RPS6KA5: variants seen among roughly 807,000 people sequenced by gnomAD.
RPS6KA5 encodes the protein ribosomal protein S6 kinase alpha-5.
Under a neutral mutation model 85.5 loss-of-function variants are expected in RPS6KA5, and 27 were observed. That is an observed-to-expected ratio of 0.32 (90% CI 0.23 to 0.44). The LOEUF (loss-of-function observed/expected upper bound fraction) is 0.44, where lower values mean the gene tolerates loss of function less well. Ranked by LOEUF, RPS6KA5 falls within the 20% of genes least tolerant of loss-of-function variation. The probability of loss-of-function intolerance (pLI) is 1.00; values close to 1 mark genes in which losing one functional copy is unlikely to be tolerated. For synonymous variants in RPS6KA5, 334 were observed against 348.2 expected (o/e 0.96, Z 0.46); for missense variants, 811 against 980.9 (o/e 0.83, Z 2.31).
chr14:91,028,830 A>C (rs935502970), intron 1 of RPS6KA5, among the ~76,000 whole-genome samples: 2 of 152,212 alleles, frequency 1.3e-5, no homozygotes, highest in African/African-American at 4.8e-5. Flanking sequence ...TTTTTAATAA[A>C]GAGAATCACT....
At chr14:90,900,998 C>T (rs2035137173) in intron 9 of RPS6KA5, among the ~76,000 whole-genome samples, 1 of 152,130 alleles carries the variant, frequency 6.6e-6, no homozygotes, top group African/African-American at 2.4e-5. Flanking sequence ...TTCCCTATTC[C>T]ACCCCCAAAA....
At chr14:90,997,886 G>A (rs1034599494) in intron 2 of RPS6KA5, among the ~76,000 whole-genome samples, 26 of 151,598 alleles carry the variant, frequency 1.7e-4, no homozygotes, top group African/African-American at 5.6e-4. Flanking sequence ...GGTGGTGTGC[G>A]CCTGTAATCT....
At chr14:90,958,744 G>C (rs958108667) in intron 3 of RPS6KA5, among the ~76,000 whole-genome samples, 3 of 151,984 alleles carry the variant, frequency 2.0e-5, no homozygotes, top group Admixed American at 2.0e-4. Context: ...CCAACCTAGT[G>C]AAGCTTGCAT....
chr14:90,983,807 C>CTCTCTCTG (rs1566825939), intron 2 of RPS6KA5, among the ~76,000 whole-genome samples: 46 of 126,272 alleles, frequency 3.6e-4, no homozygotes, highest in Non-Finnish European at 6.7e-4. Context: ...CTCTCTCTCT[C>CTCTCTCTG]TCTCTCTCTG....
chr14:90,896,527 A>G (rs902439350), intron 12 of RPS6KA5, among the ~76,000 whole-genome samples: 6 of 152,118 alleles, frequency 3.9e-5, no homozygotes, highest in Non-Finnish European at 7.4e-5. Context: ...GGAGCTTGAG[A>G]TGTGAGATTA....
chr14:91,044,384 AGAAAGAAG>A (rs764735310), intron 1 of RPS6KA5, among the ~76,000 whole-genome samples: 1,247 of 28,660 alleles, frequency 0.044, 13 homozygotes, highest in African/African-American at 0.088. Flanking sequence ...AAGGAAAGAA[AGAAAGAAG>A]GAAAGAAAGA....
chr14:91,054,984 T>A (rs193278201), intron 1 of RPS6KA5, among the ~76,000 whole-genome samples: 125 of 152,206 alleles, frequency 8.2e-4, no homozygotes, highest in African/African-American at 2.9e-3. Flanking sequence ...AATTTTAAAC[T>A]GGGCAAAGGA....
rs545011249 is a variant in RPS6KA5, at chr14:91,054,548, A to T, written c.103+5784T>A. Among the ~76,000 whole-genome samples, 247 of 152,032 alleles carry T rather than the reference A, an allele frequency of 1.6e-3. 2 individuals carry two copies. Among genetic ancestry groups the T allele is most frequent in the African/African-American group, 5.8e-3 (241 of 41,462 alleles). ...GCTACTCAGGGGGCTGAAGCATGAGAATTGCTGGAACCCAGGAGGCAGAGG... is the reference window on the plus strand; with the variant it reads ...GCTACTCAGGGGGCTGAAGCATGAGTATTGCTGGAACCCAGGAGGCAGAGG... On this transcript the variant is annotated intron_variant, in intron 1 of 16. Coordinates refer to ENST00000614987, the MANE Select transcript of RPS6KA5 (RefSeq NM_004755.4).
chr14:90,993,412 C>T (rs1203767832), intron 2 of RPS6KA5, among the ~76,000 whole-genome samples: 2 of 152,132 alleles, frequency 1.3e-5, no homozygotes, highest in Non-Finnish European at 2.9e-5. Flanking sequence ...TGCACTCCAG[C>T]CTGGGTGACA....
chr14:90,913,661 T>C (rs1160501595), intron 7 of RPS6KA5, among the ~76,000 whole-genome samples: 2 of 152,226 alleles, frequency 1.3e-5, no homozygotes, highest in Non-Finnish European at 2.9e-5. Context: ...TCTTCCTTTG[T>C]ACACTTTTTT....
chr14:90,902,763 A>T (rs1285226729), intron 9 of RPS6KA5, 45 bp downstream of exon 9: 1 of 1,538,196 alleles, frequency 6.5e-7, no homozygotes, highest in Non-Finnish European at 8.8e-7. Flanking sequence ...CTTTTCTTTC[A>T]AAGGACATAT....
chr14:91,056,106 G>A (rs140271940), intron 1 of RPS6KA5, among the ~76,000 whole-genome samples: 1 of 152,022 alleles, frequency 6.6e-6, no homozygotes, highest in Non-Finnish European at 1.5e-5. Context: ...CTAAATTCCT[G>A]ACCCACACAA....
chr14:90,926,178 G>C (rs1190757108), intron 5 of RPS6KA5, among the ~76,000 whole-genome samples: 5 of 151,964 alleles, frequency 3.3e-5, no homozygotes, highest in Admixed American at 6.6e-5. Flanking sequence ...GCTAAGGTGA[G>C]CGGATCACTT....
In RPS6KA5 at chr14:91,032,027, G is replaced by A. The variant is rs190845096; in HGVS notation, c.103+28305C>T. Among the ~76,000 whole-genome samples the A allele has an allele frequency of 2.4e-4, 37 of 152,098 alleles. No homozygotes were observed. In the East Asian group the frequency reaches 2.7e-3, roughly 11 times the overall value. On this transcript the variant is annotated intron_variant, in intron 1 of 16. Transcript: ENST00000614987. ...AGAATATTTATTGAGTACTCTTTGC[G>A]GGCGACATTATAGGCAGGTCCACTT...
intron 1 of RPS6KA5, among the ~76,000 whole-genome samples, chr14:91,055,997 T>C (rs886705521): frequency 2.0e-5 from 3 of 152,098 alleles, no homozygotes; most frequent in African/African-American, 4.8e-5. Flanking sequence ...GGCCAACACC[T>C]TGACTTCAAC....
intron 1 of RPS6KA5, among the ~76,000 whole-genome samples, chr14:91,042,612 GAAGAAA>G (rs939636786): frequency 6.6e-6 from 1 of 151,986 alleles, no homozygotes; most frequent in African/African-American, 2.4e-5. Context: ...CATAATTTGA[GAAGAAA>G]AAGAATCATG....
At chr14:90,951,136 AGAGAG>A (rs2038161101) in intron 3 of RPS6KA5, among the ~76,000 whole-genome samples, 1 of 106,396 alleles carries the variant, frequency 9.4e-6, no homozygotes, top group African/African-American at 3.7e-5. Flanking sequence ...AAAAAAAAAA[AGAGAG>A]AGAGAGAGAG....
intron 1 of RPS6KA5, among the ~76,000 whole-genome samples, chr14:91,019,542 G>A (rs2041654339): frequency 1.3e-5 from 2 of 152,170 alleles, no homozygotes; most frequent in African/African-American, 4.8e-5. Context: ...GTTTGGACCT[G>A]CCAGTCTCCA....
intron 7 of RPS6KA5, among the ~76,000 whole-genome samples, chr14:90,918,937 C>A (rs2036261321): frequency 6.6e-6 from 1 of 152,006 alleles, no homozygotes; most frequent in Non-Finnish European, 1.5e-5. Context: ...AGGTCCTCTG[C>A]ATTTTCATAA....
Sources: gnomAD v4.1 joint callset for allele counts (sites outside exome capture counted in the v4.1 genomes callset) on GRCh38, gnomAD v4.1.1 for gene constraint, MANE v1.5 for transcripts, NCBI Gene and HGNC (gene_info 2026-07-23, HGNC 2026-07-21) for gene names.